Variants in GLI3 observed in about 807,000 individuals in gnomAD.
GLI3 encodes GLI family zinc finger 3.
Under a neutral mutation model 100.8 loss-of-function variants are expected in GLI3, and 20 were observed. That is an observed-to-expected ratio of 0.20 (90% CI 0.14 to 0.29). The LOEUF (loss-of-function observed/expected upper bound fraction) is 0.29, where lower values mean the gene tolerates loss of function less well. Ranked by LOEUF, GLI3 falls within the 10% of genes least tolerant of loss-of-function variation. The pLI, the probability that GLI3 is intolerant of heterozygous loss-of-function variation, is 1.00. For missense variants in GLI3, 2,040 were observed against 2,128.5 expected (o/e 0.96, Z 0.82); for synonymous variants, 938 against 860.5 (o/e 1.09, Z -1.58).
chr7:42,156,660 G>A (rs964526376), intron 2 of GLI3, among the ~76,000 whole-genome samples: 3 of 152,172 alleles, frequency 2.0e-5, no homozygotes, highest in Admixed American at 6.5e-5. Context: ...TGCATCCTCC[G>A]ATGGGAATGA....
chr7:42,080,739 T>C lies in GLI3; in HGVS notation c.368-3882A>G, dbSNP rs148299848. ...TAATCCTAACACATTTCTTGAAAAA[T>C]GCTCCTGAATCCTCAAACGTTGAGT... On this transcript the variant is annotated intron_variant, in intron 3 of 14. Transcript: ENST00000395925. 2.6e-5 allele frequency among the ~76,000 whole-genome samples: 4 copies of C among 152,146 alleles called. No homozygotes were observed. The East Asian group carries it at 7.7e-4, about 29-fold the overall frequency.
chr7:42,254,854 C>A (rs575181515), intron 1 of GLI3, among the ~76,000 whole-genome samples: 1 of 151,418 alleles, frequency 6.6e-6, no homozygotes, highest in African/African-American at 2.4e-5. Flanking sequence ...GTTGGCTGAT[C>A]TTTGACCTGT....
intron 7 of GLI3, among the ~76,000 whole-genome samples, chr7:42,033,622 C>T (rs1789357117): frequency 2.0e-5 from 3 of 152,206 alleles, no homozygotes; most frequent in Admixed American, 1.3e-4. Flanking sequence ...CCAAGCCAAA[C>T]TTCCTGGCTA....
At chr7:41,994,515 GGT>G (rs770092438) in intron 10 of GLI3, among the ~76,000 whole-genome samples, 1 of 151,928 alleles carries the variant, frequency 6.6e-6, no homozygotes, top group Non-Finnish European at 1.5e-5. Context: ...AATAAATAAG[GGT>G]GTGTGTGTGT....
intron 2 of GLI3, chr7:42,172,635 A>C: frequency 1.4e-6 from 1 of 703,004 alleles, no homozygotes; most frequent in Non-Finnish European, 2.6e-6. Context: ...GACAGCGCGG[A>C]TGCATCCAAT....
chr7:42,239,087 G>C (rs988877794), upstream of GLI3, among the ~76,000 whole-genome samples: 3 of 152,202 alleles, frequency 2.0e-5, no homozygotes, highest in African/African-American at 7.2e-5. Context: ...AAGGTTTTAT[G>C]GTGGAAGTGG....
chr7:42,021,611 T>C (rs1377969389), intron 10 of GLI3, among the ~76,000 whole-genome samples: 3 of 152,250 alleles, frequency 2.0e-5, no homozygotes, highest in African/African-American at 7.2e-5. Context: ...CTGCCTCTTA[T>C]GAGGAGCACA....
chr7:42,021,904 A>G (rs1788953699), intron 10 of GLI3, among the ~76,000 whole-genome samples: 1 of 152,214 alleles, frequency 6.6e-6, no homozygotes, highest in East Asian at 1.9e-4. Flanking sequence ...ATTTCCCCAT[A>G]ATAAAACAAA....
Position 42,007,281 on chromosome 7 carries a change from C to T in GLI3, c.1497+16187G>A, listed in dbSNP as rs147012927. 6.8e-5 allele frequency among the ~76,000 whole-genome samples: 10 copies of T among 148,106 alleles called. No homozygotes were observed. The East Asian group carries it at 1.6e-3, about 23-fold the overall frequency. ...AGAACCCAACAGCAAGATATTGCTA[C>T]GCAACAGACAGAATGAGAAAGAGCT... On this transcript the variant is annotated intron_variant, in intron 10 of 14. Transcript: ENST00000395925.
chr7:42,011,480 A>G (rs545266435), intron 10 of GLI3, among the ~76,000 whole-genome samples: 6 of 152,380 alleles, frequency 3.9e-5, no homozygotes, highest in East Asian at 1.9e-4. Flanking sequence ...ATAGTAACAC[A>G]ATAGCCAGAA....
At chr7:42,080,535 C>T (rs574645137) in intron 3 of GLI3, among the ~76,000 whole-genome samples, 2 of 152,252 alleles carry the variant, frequency 1.3e-5, no homozygotes, top group East Asian at 3.9e-4. Flanking sequence ...TCTGTGTGGA[C>T]AATTATACCT....
intron 8 of GLI3, 100 bp from the exon 9 acceptor site, chr7:42,025,477 T>C: frequency 1.2e-6 from 1 of 835,208 alleles, no homozygotes; most frequent in South Asian, 1.4e-5. Context: ...GCGGTCTTAT[T>C]TGGCTATAAA....
intron 13 of GLI3, among the ~76,000 whole-genome samples, chr7:41,970,552 G>T (rs186033891): frequency 6.6e-6 from 1 of 152,030 alleles, no homozygotes; most frequent in African/African-American, 2.4e-5. Context: ...CCACAATTAC[G>T]TTGGCACCAA....
chr7:42,097,715 C>G (rs548142776), intron 3 of GLI3, among the ~76,000 whole-genome samples: 11 of 152,346 alleles, frequency 7.2e-5, no homozygotes, highest in African/African-American at 2.6e-4. Context: ...GCCATTTTCT[C>G]TGTCCTGAAG....
At chr7:42,045,622 C>T in intron 5 of GLI3, 92 bp from the exon 6 acceptor site, 1 of 1,131,248 alleles carries the variant, frequency 8.8e-7, no homozygotes, top group African/African-American at 1.5e-5. Flanking sequence ...ACACAACCCA[C>T]ATCAGCAATT....
chr7:42,047,541 GA>G (rs139068430), intron 5 of GLI3, among the ~76,000 whole-genome samples: 1,773 of 152,304 alleles, frequency 0.012, 36 homozygotes, highest in African/African-American at 0.041. Flanking sequence ...TCTGGACCTT[GA>G]TTCAGATTCC....
intron 3 of GLI3, among the ~76,000 whole-genome samples, chr7:42,098,585 C>A (rs1296490900): frequency 2.6e-5 from 4 of 152,186 alleles, no homozygotes; most frequent in East Asian, 1.9e-4. Flanking sequence ...ACCTACTGGT[C>A]ATTTTAGGAA....
At chr7:42,112,807 A>G (rs1369472694) in intron 3 of GLI3, among the ~76,000 whole-genome samples, 2 of 152,172 alleles carry the variant, frequency 1.3e-5, no homozygotes, top group Non-Finnish European at 2.9e-5. Flanking sequence ...TCTGGGCACC[A>G]GGAGACTGTG....
At chr7:42,235,675 T>G (rs1353959055) in intron 1 of GLI3, among the ~76,000 whole-genome samples, 3 of 152,152 alleles carry the variant, frequency 2.0e-5, no homozygotes, top group African/African-American at 7.2e-5. Context: ...AGGAGGTATT[T>G]TTTAGAACTA....
Sources: gnomAD v4.1 joint callset for allele counts (sites outside exome capture counted in the v4.1 genomes callset) on GRCh38, gnomAD v4.1.1 for gene constraint, MANE v1.5 for transcripts, NCBI Gene and HGNC (gene_info 2026-07-23, HGNC 2026-07-21) for gene names.